The following NCLN variants were observed in gnomAD, a reference collection of about 807,000 sequenced individuals.
NCLN encodes BOS complex subunit NCLN.
A neutral mutation model predicts 69.5 loss-of-function variants in NCLN; 34 were observed. That is an observed-to-expected ratio of 0.49 (90% confidence interval 0.37 to 0.65). The LOEUF is 0.65. NCLN is among the 30% of genes least tolerant of loss of function. NCLN has a pLI of 0.00. For missense variants in NCLN, 710 were observed against 804.8 expected (o/e 0.88, Z 1.42); for synonymous variants, 393 against 358.3 (o/e 1.10, Z -1.09).
chr19:3,199,618 C>T (rs1916069088), intron 5 of NCLN, among the ~76,000 whole-genome samples: 1 of 150,182 alleles, frequency 6.7e-6, no homozygotes, highest in Non-Finnish European at 1.5e-5. Context: ...CTTGGTTCTG[C>T]TCAGCGTGGG....
intron 13 of NCLN, 58 bp from the exon 14 acceptor site, chr19:3,207,333 G>A (rs1272923922): frequency 1.9e-6 from 3 of 1,612,544 alleles, no homozygotes; most frequent in Non-Finnish European, 2.5e-6. Flanking sequence ...GGGGGTCTAG[G>A]GGTTCATGTT....
intron 6 of NCLN, among the ~76,000 whole-genome samples, chr19:3,203,549 A>G (rs950299120): frequency 6.6e-6 from 1 of 152,112 alleles, no homozygotes; most frequent in South Asian, 2.1e-4. Flanking sequence ...AGCACCCTGA[A>G]GTGCCCAGGA....
At chr19:3,195,748 G>T (rs1229550836) in intron 3 of NCLN, among the ~76,000 whole-genome samples, 1 of 152,040 alleles carries the variant, frequency 6.6e-6, no homozygotes, top group Non-Finnish European at 1.5e-5. Flanking sequence ...CCATGTTTGC[G>T]TCACTGTACT....
intron 5 of NCLN, among the ~76,000 whole-genome samples, chr19:3,200,768 T>TC (rs1916105873): frequency 6.6e-6 from 1 of 151,984 alleles, no homozygotes; most frequent in African/African-American, 2.4e-5. Flanking sequence ...TCACTCCTGG[T>TC]CCCCTCCCCA....
rs957538041 is a variant in NCLN, at chr19:3,207,949, C to G, written c.*261C>G. The G allele has an allele frequency of 4.1e-6, 2 of 493,346 alleles. No homozygotes were observed. The highest frequency in any genetic ancestry group is 7.3e-6 in the Non-Finnish European group (2 of 273,674). 30.6% of individuals were successfully genotyped at this position (493,346 alleles called of 1,614,324 possible). On this transcript the variant is annotated 3_prime_UTR_variant, in exon 15 of 15. Transcript: ENST00000246117. ...GTCCCGGGGCCAGGCTACGGACTTG[C>G]GGACGAGCCCCCCAGTCCTGGGAGC...
At chr19:3,188,547 C>T (rs530734573) in intron 1 of NCLN, among the ~76,000 whole-genome samples, 3 of 152,304 alleles carry the variant, frequency 2.0e-5, no homozygotes, top group Admixed American at 6.5e-5. Context: ...CCCTCCCTTT[C>T]CCCTGCAGTC....
At chr19:3,201,442 CTG>C (rs1916123443) in intron 5 of NCLN, 79 bp from the exon 6 acceptor site, 2 of 961,488 alleles carry the variant, frequency 2.1e-6, no homozygotes, top group Admixed American at 4.3e-5. Flanking sequence ...GGAGAGATGA[CTG>C]TGGCTGCTGT....
chr19:3,188,527 G>C (rs1915729110), intron 1 of NCLN, among the ~76,000 whole-genome samples: 1 of 151,754 alleles, frequency 6.6e-6, no homozygotes, highest in African/African-American at 2.4e-5. Flanking sequence ...GCCCCTTTTT[G>C]GTGGCGCCTC....
intron 3 of NCLN, 44 bp from the exon 4 acceptor site, chr19:3,196,127 CCCCTGGCTGGGG>C: frequency 2.2e-6 from 3 of 1,361,940 alleles, no homozygotes; most frequent in East Asian, 2.6e-5. Context: ...CTGGGGATGC[CCCCTGGCTGGGG>C]CCCTGGCTGG....
intron 3 of NCLN, among the ~76,000 whole-genome samples, chr19:3,193,673 C>T (rs1190000455): frequency 1.3e-5 from 2 of 152,260 alleles, no homozygotes; most frequent in African/African-American, 2.4e-5. Context: ...TCTGTGCACA[C>T]GAAAGACCAG....
chr19:3,207,880 C>G lies in NCLN; in HGVS notation c.*192C>G. 1.7e-6 allele frequency: 1 copy of G among 587,690 alleles called. No homozygotes were observed. The allele number at this position is 587,690 out of a possible 1,614,324, so 36.4% of individuals were successfully genotyped here. A position where few individuals can be genotyped will look rare whatever the true frequency, so the allele number is the denominator to read the frequency against. On this transcript the variant is annotated 3_prime_UTR_variant, in exon 15 of 15. Coordinates refer to ENST00000246117, the MANE Select transcript of NCLN (RefSeq NM_020170.4). ...CGAGACTGGGGGGGGATTGTTTCTT[C>G]TTTTCCTTGTCTTTGAACTTCCTTG...
rs758583459 is a variant in NCLN at position 3,201,621 on chromosome 19, C to A, written c.795C>A (p.His265Gln). ...FSRLYTYKRT[H>Q]AAYNLLFFAS... ...GGCTCTACACCTACAAGCGCACGCACGCCGCGTGAGTGCCGGGGTGGGCAG... is the reference window on the plus strand; with the variant it reads ...GGCTCTACACCTACAAGCGCACGCAAGCCGCGTGAGTGCCGGGGTGGGCAG... Residue 265 changes from histidine to glutamine, a missense_variant, in exon 6 of 15, where the codon CAC becomes CAA. By Grantham distance (24) the His-to-Gln change is conservative. Coordinates refer to ENST00000246117, the MANE Select transcript of NCLN (RefSeq NM_020170.4). The A allele has an allele frequency of 6.5e-7, 1 of 1,536,048 alleles. No homozygotes were observed. Among genetic ancestry groups the A allele is most frequent in the Non-Finnish European group, 8.7e-7 (1 of 1,146,186 alleles).
intron 6 of NCLN, 151 bp from the exon 7 acceptor site, chr19:3,203,605 G>A (rs908636643): frequency 1.9e-5 from 13 of 677,552 alleles, no homozygotes; most frequent in African/African-American, 1.8e-4. Context: ...CCACAGGGCC[G>A]AGGGGTCATG....
At chr19:3,196,471 A>T (rs1183344917) in intron 4 of NCLN, among the ~76,000 whole-genome samples, 194 bp downstream of exon 4, 1 of 151,960 alleles carries the variant, frequency 6.6e-6, no homozygotes, top group Non-Finnish European at 1.5e-5. Context: ...ATGGCCGGGG[A>T]GTCGCTCTGT....
chr19:3,202,796 C>A (rs1034470234), intron 6 of NCLN, among the ~76,000 whole-genome samples: 2 of 152,028 alleles, frequency 1.3e-5, no homozygotes, highest in Non-Finnish European at 2.9e-5. Flanking sequence ...CAGCCCCCCA[C>A]TGATGCCTTT....
chr19:3,200,238 C>T (rs1263032486), intron 5 of NCLN, among the ~76,000 whole-genome samples: 3 of 152,282 alleles, frequency 2.0e-5, no homozygotes, highest in African/African-American at 4.8e-5. Flanking sequence ...CATGAGCCAC[C>T]GCGCCCACTG....
chr19:3,192,621 G>T lies in NCLN; in HGVS notation c.336G>T (p.Leu112=). 6.3e-7 allele frequency: 1 copy of T among 1,587,752 alleles called. No homozygotes were observed. Among genetic ancestry groups the T allele is most frequent in the Non-Finnish European group, 8.6e-7 (1 of 1,165,252 alleles). ...RQSAGAVVII[L]PRAMAAVPQD... is the part of the protein sequence containing the mutation. ...CGGCGGGCGCCGTGGTCATCATCCT[G>T]CCCAGGGCCATGGCCGCCGTGCCCC... The change falls in exon 2 of 15, where the codon CTG becomes CTT. Residue 112 remains leucine, a synonymous_variant. Coordinates refer to ENST00000246117, the MANE Select transcript of NCLN (RefSeq NM_020170.4).
chr19:3,207,131 C>G (rs1916290716), intron 12 of NCLN, 67 bp from the exon 13 acceptor site: 5 of 1,582,018 alleles, frequency 3.2e-6, no homozygotes, highest in Non-Finnish European at 2.6e-6. Context: ...GTCTCCATCT[C>G]TACAAACCCT....
chr19:3,190,252 G>T (rs1182993108), intron 1 of NCLN, among the ~76,000 whole-genome samples: 2 of 152,212 alleles, frequency 1.3e-5, no homozygotes, highest in African/African-American at 2.4e-5. Context: ...CAGCAGGCCT[G>T]GTGATGTCAG....
Sources: gnomAD v4.1 joint callset for allele counts (sites outside exome capture counted in the v4.1 genomes callset) on GRCh38, gnomAD v4.1.1 for gene constraint, MANE v1.5 for transcripts, NCBI Gene and HGNC (gene_info 2026-07-23, HGNC 2026-07-21) for gene names.